C3orf85: variants seen among roughly 807,000 people sequenced by gnomAD.
The protein encoded by C3orf85 is chromosome 3 open reading frame 85, also known as uncharacterized protein C3orf85.
Under a neutral mutation model 1.7 loss-of-function variants are expected in C3orf85, and 1 was observed. The observed-to-expected ratio is 0.60, with a 90% CI of 0.21 to 2.86. The LOEUF (loss-of-function observed/expected upper bound fraction) is 2.86. Ranked by LOEUF, C3orf85 falls within the 30% of genes most tolerant of loss-of-function variation. The pLI, the probability that C3orf85 is intolerant of heterozygous loss-of-function variation, is 0.22. For missense variants in C3orf85, 29 were observed against 21.3 expected (o/e 1.36, Z -0.72); for synonymous variants, 17 against 8.0 (o/e 2.13, Z -1.90).
rs190143122 is a variant in C3orf85 at position 109,140,633 on chromosome 3, T to C, written c.49+3737T>C. ...TGGAGATGGGGATCCCATCAACACA[T>C]GTAGGCAATGACCCAGAAAGAGTCA... On this transcript the variant is annotated intron_variant, in intron 2 of 3. Transcript: ENST00000622536. Among the ~76,000 whole-genome samples the C allele has an allele frequency of 3.5e-3, 531 of 152,342 alleles. 5 individuals carry two copies. The highest frequency in any genetic ancestry group is 0.012 in the African/African-American group (517 of 41,580).
chr3:109,150,462 G>A lies in C3orf85; in HGVS notation c.*568G>A, dbSNP rs1706857538. On this transcript the variant is annotated 3_prime_UTR_variant, in exon 4 of 4. Transcript: ENST00000622536. ...GATAGTGGCTAGGAACTCAATGGAA[G>A]TCATTCACTTGTAAGTGCAAACTTC... The A allele has an allele frequency of 6.6e-6, 1 of 152,204 alleles. No homozygotes were observed. The highest frequency in any genetic ancestry group is 2.4e-5 in the African/African-American group (1 of 41,450). 9.4% of individuals were successfully genotyped at this position (152,204 alleles called of 1,614,324 possible). A position where few individuals can be genotyped will look rare whatever the true frequency, so the allele number is the denominator to read the frequency against.
Position 109,150,589 on chromosome 3 carries a change from C to T in C3orf85, c.*695C>T, listed in dbSNP as rs1353156031. 2 of 152,116 alleles carry T rather than the reference C, an allele frequency of 1.3e-5. No homozygotes were observed. The highest frequency in any genetic ancestry group is 6.6e-5 in the Admixed American group (1 of 15,266). The allele number at this position is 152,116 out of a possible 1,614,324, so 9.4% of individuals were successfully genotyped here. On this transcript the variant is annotated 3_prime_UTR_variant, in exon 4 of 4. Transcript: ENST00000622536. ...ACAGTTTTGACTCACTGGCCAGGCA[C>T]ATTTTATAATTTTTTCAATTAAAAC...
chr3:109,147,094 T>C (rs1307544798), intron 2 of C3orf85, among the ~76,000 whole-genome samples: 1 of 152,206 alleles, frequency 6.6e-6, no homozygotes, highest in East Asian at 1.9e-4. Context: ...AAAATGTTTC[T>C]CCTTCTCCCA....
Position 109,148,238 on chromosome 3 carries a change from G to T in C3orf85, c.50-15G>T, listed in dbSNP as rs979395535. 1.1e-5 allele frequency: 8 copies of T among 700,580 alleles called. No homozygotes were observed. The highest frequency in any genetic ancestry group is 3.5e-5 in the African/African-American group (2 of 57,250). The allele number at this position is 700,580 out of a possible 1,614,324, so 43.4% of individuals were successfully genotyped here. A position where few individuals can be genotyped will look rare whatever the true frequency, so the allele number is the denominator to read the frequency against. On this transcript the variant is annotated splice_polypyrimidine_tract_variant and intron_variant, in intron 2 of 3. Transcript: ENST00000622536. ...TGCTCTAAAAGATGCTGTGCTCTTGGACTCTAAATTGCAGGAGCATTGGGA... is the reference window on the plus strand; with the variant it reads ...TGCTCTAAAAGATGCTGTGCTCTTGTACTCTAAATTGCAGGAGCATTGGGA...
intron 2 of C3orf85, among the ~76,000 whole-genome samples, chr3:109,145,082 T>C (rs1200878888): frequency 6.8e-6 from 1 of 147,222 alleles, no homozygotes; most frequent in East Asian, 1.9e-4. Context: ...AAATCAATCC[T>C]GTTTTCCCAT....
intron 2 of C3orf85, among the ~76,000 whole-genome samples, chr3:109,137,281 T>C (rs937098069): frequency 1.3e-5 from 2 of 152,192 alleles, no homozygotes; most frequent in African/African-American, 2.4e-5. Flanking sequence ...CATGAATTTA[T>C]TAACCTTTAG....
At chr3:109,138,173 A>G (rs998217317) in intron 2 of C3orf85, among the ~76,000 whole-genome samples, 25 of 152,244 alleles carry the variant, frequency 1.6e-4, no homozygotes, top group South Asian at 4.1e-4. Context: ...AAATATGTCT[A>G]CCTATAAAGA....
chr3:109,147,535 G>A lies in C3orf85; in HGVS notation c.50-718G>A, dbSNP rs183186059. ...GTTCGTTATAATTCTGAACGCAATT[G>A]TGTTTTACTTGAGAATGAAAATACA... On this transcript the variant is annotated intron_variant, in intron 2 of 3. Coordinates refer to ENST00000622536, the MANE Select transcript of C3orf85 (RefSeq NM_001351622.2). Among the ~76,000 whole-genome samples, 348 of 152,276 alleles carry A rather than the reference G, an allele frequency of 2.3e-3. 2 individuals are homozygous for A. Among genetic ancestry groups the A allele is most frequent in the Non-Finnish European group, 3.9e-3 (266 of 68,014 alleles).
intron 2 of C3orf85, among the ~76,000 whole-genome samples, chr3:109,142,982 GCAGAAC>G (rs1334765991): frequency 2.0e-5 from 3 of 152,224 alleles, no homozygotes; most frequent in African/African-American, 7.2e-5. Flanking sequence ...ATTGCAGGTT[GCAGAAC>G]CAGAACAGGA....
At chr3:109,149,558 C>A (rs1012139104) in intron 3 of C3orf85, 3 of 287,196 alleles carry the variant, frequency 1.0e-5, no homozygotes, top group Non-Finnish European at 1.9e-5. Context: ...TACCAACTGA[C>A]AGGCACTATG....
intron 3 of C3orf85, chr3:109,148,588 G>A (rs1044902381): frequency 5.8e-6 from 3 of 518,342 alleles, no homozygotes; most frequent in African/African-American, 3.9e-5. Context: ...AGACTCAAAT[G>A]TCCCTCTGAA....
intron 2 of C3orf85, among the ~76,000 whole-genome samples, chr3:109,143,481 C>G (rs1245905083): frequency 6.6e-6 from 1 of 152,094 alleles, no homozygotes; most frequent in East Asian, 1.9e-4. Flanking sequence ...ACATTTTTAT[C>G]TGTTTTGTTT....
At chr3:109,145,982 A>C (rs928873714) in intron 2 of C3orf85, among the ~76,000 whole-genome samples, 1 of 152,210 alleles carries the variant, frequency 6.6e-6, no homozygotes, top group African/African-American at 2.4e-5. Flanking sequence ...CAAATCTTTG[A>C]AGCTCAACTC....
chr3:109,146,272 T>A (rs760751587), intron 2 of C3orf85: 1 of 152,104 alleles, frequency 6.6e-6, no homozygotes, highest in Non-Finnish European at 1.5e-5. Flanking sequence ...TGAAAGTGAG[T>A]TCCTTTTATC....
At chr3:109,139,354 C>G (rs1405835136) in intron 2 of C3orf85, among the ~76,000 whole-genome samples, 1 of 152,136 alleles carries the variant, frequency 6.6e-6, no homozygotes, top group Non-Finnish European at 1.5e-5. Context: ...GCTGGGTGAC[C>G]TTACCTGACA....
chr3:109,145,065 CTTCCTCAAATCAATCCTGTT>C (rs146818154), intron 2 of C3orf85, among the ~76,000 whole-genome samples: 2,513 of 152,218 alleles, frequency 0.017, 69 homozygotes, highest in African/African-American at 0.057. Flanking sequence ...TTCCTCCTGT[CTTCCTCAAATCAATCCTGTT>C]TTCCCATCCC....
chr3:109,142,052 G>A (rs1706748254), intron 2 of C3orf85, among the ~76,000 whole-genome samples: 1 of 152,002 alleles, frequency 6.6e-6, no homozygotes, highest in Non-Finnish European at 1.5e-5. Context: ...ACTTAACAAA[G>A]AGAATATTCA....
intron 1 of C3orf85, 38 bp downstream of exon 1, chr3:109,136,779 G>A (rs952554544): frequency 2.5e-6 from 1 of 402,224 alleles, no homozygotes. Context: ...AAAAGTACCT[G>A]ATATACCCTA....
At chr3:109,138,107 T>G (rs1706701257) in intron 2 of C3orf85, among the ~76,000 whole-genome samples, 1 of 152,172 alleles carries the variant, frequency 6.6e-6, no homozygotes. Context: ...TTAAAGAGGC[T>G]TCAAAGACTT....
Sources: allele counts gnomAD v4.1 joint callset (sites outside exome capture counted in the v4.1 genomes callset), GRCh38; gene constraint gnomAD v4.1.1; transcripts MANE v1.5; gene names NCBI Gene and HGNC (gene_info 2026-07-23, HGNC 2026-07-21).